The following PTGES2 variants were observed in gnomAD, a reference collection of about 807,000 sequenced individuals.
PTGES2 encodes GATE-binding factor 1.
In PTGES2, 35 loss-of-function variants were observed where a neutral mutation model predicts 44.5. The ratio of observed to expected loss-of-function variants is 0.79; its 90% CI spans 0.60 to 1.04. PTGES2 has a LOEUF of 1.04. Ranked by LOEUF, PTGES2 falls within the 50% of genes least tolerant of loss-of-function variation. The pLI is 0.00. For missense variants in PTGES2, 517 were observed against 521.4 expected (o/e 0.99, Z 0.08); for synonymous variants, 221 against 227.5 (o/e 0.97, Z 0.26).
At position 128,123,061 on chromosome 9, in the gene PTGES2, G is replaced by A. The variant is rs1162660985; in HGVS notation, c.760C>T (p.Pro254Ser). 4 of 1,613,132 alleles carry A rather than the reference G, an allele frequency of 2.5e-6. No individual in the cohort carries two copies. The East Asian group carries it at 6.7e-5, about 27-fold the overall frequency. Reference sequence around the variant, plus strand: ...TCAAAGGACGCCAGAGCCTCGGTGGGCGTGCGGTACACATTGGGGGAGATC... The same window carrying A: ...TCAAAGGACGCCAGAGCCTCGGTGGACGTGCGGTACACATTGGGGGAGATC... Reference protein sequence around the residue: ...HLISPNVYRTPTEALASFDYI... With the variant: ...HLISPNVYRTSTEALASFDYI... Residue 254 changes from proline to serine, a missense_variant, in exon 5 of 7, where the codon CCC (proline) becomes TCC (serine). Physicochemically the swap from Pro to Ser is moderately conservative, Grantham distance 74. Transcript: ENST00000338961. The surrounding 1 kb of genome is among the most constrained non-coding windows in gnomAD (Gnocchi z 4.4).
intron 3 of PTGES2, among the ~76,000 whole-genome samples, chr9:128,124,177 G>A (rs1414541485): frequency 1.1e-4 from 16 of 151,860 alleles, no homozygotes; most frequent in African/African-American, 3.9e-4. Flanking sequence ...TCTGCCTCCC[G>A]GGTTCAAGCG....
rs1834576647 is a variant in PTGES2, at chr9:128,125,332, A to T, written c.389T>A (p.Val130Glu). 6.2e-7 allele frequency: 1 copy of T among 1,614,020 alleles called. No individual in the cohort carries two copies. Among genetic ancestry groups the T allele is most frequent in the Non-Finnish European group, 8.5e-7 (1 of 1,180,012 alleles). The change falls in exon 2 of 7, where the codon GTG (valine) becomes GAG (glutamate). Residue 130 changes from valine to glutamate, a missense_variant. Physicochemically the swap from Val to Glu is moderately radical, Grantham distance 121 (BLOSUM62 -2). Transcript: ENST00000338961. ...LDFHALPYQVVEVNPVRRAEI... is the reference protein window; with the variant it reads ...LDFHALPYQVEEVNPVRRAEI... ...AGCCCTGCGCACAGGGTTCACCTCC[A>T]CCACCTGGTAGGGCAGGGCATGGAA...
At position 128,123,753 on chromosome 9, in the gene PTGES2, A is replaced by G; in HGVS notation, c.635T>C (p.Met212Thr). ...VTEFGNKYWL[M>T]LNEKEAQQVY... is the part of the protein sequence containing the mutation. ...TTGCTGGGCCTCCTTCTCGTTGAGC[A>G]TGAGCCAGTACTTATTGCCGAACTC... Residue 212 changes from methionine (M) to threonine (T), a missense_variant, in exon 4 of 7, where the codon ATG (methionine) becomes ACG (threonine). Transcript: ENST00000338961. This position sits in a 1 kb window ranked among gnomAD's most constrained non-coding sequence, Gnocchi z 4.4. 1 of 1,613,864 alleles carries G rather than the reference A, an allele frequency of 6.2e-7. No individual in the cohort carries two copies. The highest frequency in any genetic ancestry group is 8.5e-7 in the Non-Finnish European group (1 of 1,179,940).
At chr9:128,124,627 A>G (rs4837241) in intron 2 of PTGES2, 77 bp from the exon 3 acceptor site, 1,432,732 of 1,439,960 alleles carry the variant, frequency 0.99, 713,027 homozygotes, top group East Asian at 1. Context: ...TTAACAAGAC[A>G]CTCTGGGCAT....
At position 128,123,116 on chromosome 9, in the gene PTGES2, C is replaced by T; in HGVS notation, c.705G>A (p.Arg235=). Residue 235 remains arginine (R), a synonymous_variant, in exon 5 of 7, where the codon CGG becomes CGA. Coordinates refer to ENST00000338961, the MANE Select transcript of PTGES2 (RefSeq NM_025072.7). The surrounding 1 kb of genome is among the most constrained non-coding windows in gnomAD (Gnocchi z 4.4). ...GCACCAGCCAGTCGTCCGCCCACTGCCGCCACTTCATCTCCTCCCTGCGGG... is the reference window on the plus strand; with the variant it reads ...GCACCAGCCAGTCGTCCGCCCACTGTCGCCACTTCATCTCCTCCCTGCGGG... ...KEARTEEMKW[R]QWADDWLVHL... is the part of the protein sequence containing the mutation. The T allele has an allele frequency of 6.2e-7, 1 of 1,610,608 alleles. No homozygotes were observed.
Position 128,121,031 on chromosome 9 carries a change from C to G in PTGES2, c.*114G>C, listed in dbSNP as rs1834387951. The G allele has an allele frequency of 3.0e-6, 4 of 1,355,140 alleles. No individual in the cohort carries two copies. The highest frequency in any genetic ancestry group is 4.0e-6 in the Non-Finnish European group (4 of 995,560). The allele number at this position is 1,355,140 out of a possible 1,614,324, so 83.9% of individuals were successfully genotyped here. A position where few individuals can be genotyped will look rare whatever the true frequency, so the allele number is the denominator to read the frequency against. ...GAGAGGGCTGGTGGGGGTGCGTGGACAAGGGGCAGAATGATCCTGCCCCCA... is the reference window on the plus strand; with the variant it reads ...GAGAGGGCTGGTGGGGGTGCGTGGAGAAGGGGCAGAATGATCCTGCCCCCA... On this transcript the variant is annotated 3_prime_UTR_variant, in exon 7 of 7. Transcript: ENST00000338961.
At chr9:128,124,808 G>A in intron 2 of PTGES2, 1 of 1,293,654 alleles carries the variant, frequency 7.7e-7, no homozygotes, top group African/African-American at 1.5e-5. Context: ...GAGGGGCAGG[G>A]TGGGTTCTGG....
At position 128,125,270 on chromosome 9, in the gene PTGES2, G is replaced by T; in HGVS notation, c.451C>A (p.Leu151Met). The T allele has an allele frequency of 6.2e-7, 1 of 1,603,310 alleles. No homozygotes were observed. The highest frequency in any genetic ancestry group is 1.7e-5 in the Admixed American group (1 of 57,874). ...KFSSYRKVPI[L>M]VAQEGESSQQ... ...GAGCTTTCTCCTTCCTGGGCCACCA[G>T]GATGGGCACCTTTCTGTAGGAGGAG... The change falls in exon 2 of 7, where the codon CTG becomes ATG. Residue 151 changes from leucine (L) to methionine (M), a missense_variant. Physicochemically the swap from Leu to Met is conservative, Grantham distance 15 (BLOSUM62 2). Transcript: ENST00000338961.
At position 128,127,576 on chromosome 9, in the gene PTGES2, C is replaced by T. The variant is rs748807619; in HGVS notation, c.142G>A (p.Val48Met). ...GGGCTCCCCTTACGAGCTGCAGCCA[C>T]GGGGCTCGGGCCGCCCGCCGCCCCC... ...FAGAAGGPSP[V>M]AAARKGSPRL... is the part of the protein sequence containing the mutation. The change falls in exon 1 of 7, where the codon GTG (valine) becomes ATG (methionine). Residue 48 changes from valine (V) to methionine (M), a missense_variant. Coordinates refer to ENST00000338961, the MANE Select transcript of PTGES2 (RefSeq NM_025072.7). The T allele has an allele frequency of 9.4e-6, 12 of 1,278,498 alleles. No individual in the cohort carries two copies. In the Admixed American group the frequency reaches 5.0e-4, roughly 54 times the overall value. 79.2% of individuals were successfully genotyped at this position (1,278,498 alleles called of 1,614,324 possible). A position where few individuals can be genotyped will look rare whatever the true frequency, so the allele number is the denominator to read the frequency against.
rs1384743640 is a variant in PTGES2, at chr9:128,123,316, A to G, written c.687-182T>C. ...GGCTGGAGTGCAATGGCACCATCTC[A>G]GCTCACTGCATCCTCCGCCTCCTGG... On this transcript the variant is annotated intron_variant, in intron 4 of 6. Transcript: ENST00000338961. This position sits in a 1 kb window ranked among gnomAD's most constrained non-coding sequence, Gnocchi z 4.4. Among the ~76,000 whole-genome samples, 1 of 151,070 alleles carries G rather than the reference A, an allele frequency of 6.6e-6. No individual in the cohort carries two copies. The highest frequency in any genetic ancestry group is 6.6e-5 in the Admixed American group (1 of 15,200).
At chr9:128,122,853 TGAGG>T in intron 5 of PTGES2, 77 bp downstream of exon 5, 1 of 1,467,788 alleles carries the variant, frequency 6.8e-7, no homozygotes. Context: ...GCTGGTCTCC[TGAGG>T]GGTGTGATGG....
In PTGES2 at chr9:128,127,497, TG is replaced by T; in HGVS notation, c.220del (p.His74ThrfsTer29). 1 of 1,396,010 alleles carries T rather than the reference TG, an allele frequency of 7.2e-7. No homozygotes were observed. 86.5% of individuals were successfully genotyped at this position (1,396,010 alleles called of 1,614,324 possible). A position where few individuals can be genotyped will look rare whatever the true frequency, so the allele number is the denominator to read the frequency against. The stretch of plus-strand genomic sequence containing the variant: ...GGCGCGCAGGTGCCACCGCGCCGTG[TG>T]GTACAGCCCCAGGGCTCCCCCCAGG... Reference protein sequence around the residue: ...LALGGALGLYHTARWHLRAQD... With the variant: ...LALGGALGLYXTARWHLRAQD... On this transcript the variant is annotated frameshift_variant, in exon 1 of 7. Transcript: ENST00000338961. LOFTEE classifies it high-confidence loss of function.
chr9:128,123,886 TC>T lies in PTGES2; in HGVS notation c.537-36del. Reference sequence around the variant, plus strand: ...GAGCCACAATATCACCCCAACTCCTTCCCCCTCCGTCCCCTGTGGCCGACCA... The same window carrying T: ...GAGCCACAATATCACCCCAACTCCTTCCCCTCCGTCCCCTGTGGCCGACCA... On this transcript the variant is annotated intron_variant, in intron 3 of 6. Transcript: ENST00000338961. The surrounding 1 kb of genome is among the most constrained non-coding windows in gnomAD (Gnocchi z 4.4). The T allele has an allele frequency of 6.3e-7, 1 of 1,592,088 alleles. No individual in the cohort carries two copies. Among genetic ancestry groups the T allele is most frequent in the South Asian group, 1.1e-5 (1 of 89,888 alleles).
In PTGES2 at chr9:128,127,329, C is replaced by T. The variant is rs1344169356; in HGVS notation, c.279+110G>A. 5.9e-6 allele frequency: 6 copies of T among 1,016,302 alleles called. No homozygotes were observed. The South Asian group carries it at 2.3e-4, about 40-fold the overall frequency. The allele number at this position is 1,016,302 out of a possible 1,614,324, so 63.0% of individuals were successfully genotyped here. ...GGTTCGGAGACTTCAGACCAAGTCA[C>T]TCGCCCAAGGTCACAAGCAGGCAGA... On this transcript the variant is annotated intron_variant, in intron 1 of 6. Coordinates refer to ENST00000338961, the MANE Select transcript of PTGES2 (RefSeq NM_025072.7).
At chr9:128,121,412 G>A (rs1406537694) in intron 6 of PTGES2, 139 bp from the exon 7 acceptor site, 7 of 1,088,690 alleles carry the variant, frequency 6.4e-6, no homozygotes, top group Non-Finnish European at 9.2e-6. Context: ...CAACAGCACA[G>A]GTGAGGGTTT....
At chr9:128,127,935 G>A (rs369573042), upstream of PTGES2, 76 of 438,756 alleles carry the variant, frequency 1.7e-4, no homozygotes, top group Middle Eastern at 1.3e-3. Context: ...TTTGCAGACC[G>A]TTCCATGCTT....
rs1279011818 is a variant in PTGES2, at chr9:128,123,127, T to A, written c.694A>T (p.Met232Leu). The A allele has an allele frequency of 1.2e-6, 2 of 1,609,706 alleles. No homozygotes were observed. Among genetic ancestry groups the A allele is most frequent in the East Asian group, 4.5e-5 (2 of 44,862 alleles). Residue 232 changes from methionine to leucine, a missense_variant, in exon 5 of 7, where the codon ATG becomes TTG. By Grantham distance (15) the Met-to-Leu change is conservative (BLOSUM62 2). Coordinates refer to ENST00000338961, the MANE Select transcript of PTGES2 (RefSeq NM_025072.7). This position sits in a 1 kb window ranked among gnomAD's most constrained non-coding sequence, Gnocchi z 4.4. ...YGGKEARTEE[M>L]KWRQWADDWL... The stretch of plus-strand genomic sequence containing the variant: ...TCGTCCGCCCACTGCCGCCACTTCA[T>A]CTCCTCCCTGCGGGCACGGGAGGGA...
upstream of PTGES2, chr9:128,128,127 C>T (rs886289314): frequency 1.4e-5 from 5 of 364,290 alleles, no homozygotes; most frequent in Admixed American, 1.5e-4. Flanking sequence ...GGCGCCGCGA[C>T]TTCCGGCCAC....
chr9:128,120,797 G>T lies in PTGES2; in HGVS notation c.*348C>A, dbSNP rs949003390. 2.0e-5 allele frequency: 5 copies of T among 252,170 alleles called. No individual in the cohort carries two copies. Among genetic ancestry groups the T allele is most frequent in the Non-Finnish European group, 3.8e-5 (5 of 130,758 alleles). 15.6% of individuals were successfully genotyped at this position (252,170 alleles called of 1,614,324 possible). Reference sequence around the variant, plus strand: ...AGAGTGGGAACCAGGGGAACCCAGGGATGGGATTCCACTGAAAACAAACCG... The same window carrying T: ...AGAGTGGGAACCAGGGGAACCCAGGTATGGGATTCCACTGAAAACAAACCG... On this transcript the variant is annotated 3_prime_UTR_variant, in exon 7 of 7. Coordinates refer to ENST00000338961, the MANE Select transcript of PTGES2 (RefSeq NM_025072.7).
Sources: allele counts gnomAD v4.1 joint callset (sites outside exome capture counted in the v4.1 genomes callset), GRCh38; gene constraint gnomAD v4.1.1; non-coding constraint Gnocchi (gnomAD v3.1); transcripts MANE v1.5; gene names NCBI Gene and HGNC (gene_info 2026-07-23, HGNC 2026-07-21).